Variants in VPS13B observed in about 807,000 individuals in gnomAD.
VPS13B encodes the protein intermembrane lipid transfer protein VPS13B.
In VPS13B, 285 loss-of-function variants were observed where a neutral mutation model predicts 426.4. That is an observed-to-expected ratio of 0.67 (90% CI 0.61 to 0.74). VPS13B has a LOEUF of 0.74. Among genes scored for constraint, VPS13B ranks in the 30% least tolerant of loss-of-function variants. The pLI, the probability that VPS13B is intolerant of heterozygous loss-of-function variation, is 0.00. For synonymous variants in VPS13B, 1,676 were observed against 1,676.4 expected, an observed-to-expected ratio of 1.00 and a Z score of 0.01; for missense variants, 4,537 against 4,782.6, an observed-to-expected ratio of 0.95 and a Z score of 1.51.
chr8:99,261,274 C>G (rs970969204), intron 17 of VPS13B, among the ~76,000 whole-genome samples: 1 of 152,072 alleles, frequency 6.6e-6, no homozygotes, highest in African/African-American at 2.4e-5. Flanking sequence ...TGTGTTCTAC[C>G]TATTTATCCT....
chr8:99,337,081 C>T (rs577477500), intron 19 of VPS13B, among the ~76,000 whole-genome samples: 5 of 152,156 alleles, frequency 3.3e-5, no homozygotes, highest in East Asian at 1.9e-4. Context: ...TATTGCGGCA[C>T]TATTCACAAT....
intron 3 of VPS13B, among the ~76,000 whole-genome samples, chr8:99,044,165 G>A (rs1587954993): frequency 7.6e-6 from 1 of 131,178 alleles, no homozygotes; most frequent in South Asian, 2.6e-4. Context: ...CTCACTGCAA[G>A]CTCTGCCTCC....
At chr8:99,151,972 T>C (rs923313008) in intron 14 of VPS13B, among the ~76,000 whole-genome samples, 1 of 152,242 alleles carries the variant, frequency 6.6e-6, no homozygotes, top group South Asian at 2.1e-4. Context: ...CTGATTTTTA[T>C]TGAGCTAGCT....
At chr8:99,565,831 T>A (rs1350092808) in intron 31 of VPS13B, among the ~76,000 whole-genome samples, 1 of 152,146 alleles carries the variant, frequency 6.6e-6, no homozygotes, top group Admixed American at 6.5e-5. Flanking sequence ...TAAGCAAAAT[T>A]TGGGCACAGT....
intron 44 of VPS13B, among the ~76,000 whole-genome samples, chr8:99,811,292 C>T (rs1261769247): frequency 2.0e-5 from 3 of 152,152 alleles, no homozygotes. Context: ...GAGGCATATA[C>T]AACAAGCGCA....
At chr8:99,685,509 A>G (rs1393091612) in intron 35 of VPS13B, among the ~76,000 whole-genome samples, 1 of 152,182 alleles carries the variant, frequency 6.6e-6, no homozygotes, top group East Asian at 1.9e-4. Flanking sequence ...GTTCCTTATT[A>G]GCTGTTGTCC....
At chr8:99,481,096 A>G (rs1375431354) in intron 24 of VPS13B, among the ~76,000 whole-genome samples, 1 of 152,204 alleles carries the variant, frequency 6.6e-6, no homozygotes, top group Non-Finnish European at 1.5e-5. Flanking sequence ...ATTAAAAAAA[A>G]GTCTCATATG....
intron 17 of VPS13B, among the ~76,000 whole-genome samples, chr8:99,221,523 A>G (rs1362751884): frequency 1.3e-5 from 2 of 152,256 alleles, no homozygotes; most frequent in East Asian, 1.9e-4. Context: ...CTATTTTCTT[A>G]TGAATATATC....
intron 4 of VPS13B, among the ~76,000 whole-genome samples, chr8:99,101,870 C>G (rs1846770404): frequency 6.6e-6 from 1 of 152,140 alleles, no homozygotes; most frequent in African/African-American, 2.4e-5. Context: ...TTAAAGAATA[C>G]AACCATATGG....
intron 41 of VPS13B, among the ~76,000 whole-genome samples, chr8:99,778,337 G>T (rs939154944): frequency 3.3e-5 from 5 of 151,640 alleles, no homozygotes; most frequent in Admixed American, 2.0e-4. Flanking sequence ...TTTTGTTTTG[G>T]TTTTGAGATT....
intron 23 of VPS13B, among the ~76,000 whole-genome samples, chr8:99,450,811 T>C (rs895890842): frequency 6.6e-6 from 1 of 152,202 alleles, no homozygotes; most frequent in African/African-American, 2.4e-5. Context: ...TGTTTATCAT[T>C]CTGGGATTCC....
intron 21 of VPS13B, among the ~76,000 whole-genome samples, chr8:99,409,755 G>A (rs982754925): frequency 3.9e-5 from 6 of 152,018 alleles, no homozygotes; most frequent in African/African-American, 1.2e-4. Context: ...CTACATGCTG[G>A]CGTCATAATA....
chr8:99,446,762 A>G (rs1247633282), intron 23 of VPS13B, among the ~76,000 whole-genome samples: 1 of 152,164 alleles, frequency 6.6e-6, no homozygotes, highest in African/African-American at 2.4e-5. Context: ...AACTGGATAC[A>G]TTTTTGTCAG....
chr8:99,017,538 A>C (rs996351802), intron 2 of VPS13B, among the ~76,000 whole-genome samples: 2 of 151,336 alleles, frequency 1.3e-5, no homozygotes, highest in Non-Finnish European at 2.9e-5. Context: ...TCTGTAGCCC[A>C]GGCTGGAGTG....
chr8:99,793,407 A>AC (rs1812661118), intron 43 of VPS13B, among the ~76,000 whole-genome samples: 1 of 151,920 alleles, frequency 6.6e-6, no homozygotes, highest in African/African-American at 2.4e-5. Flanking sequence ...CGCATTACCT[A>AC]CCACACATTA....
chr8:99,401,072 T>A (rs185346681), intron 21 of VPS13B, among the ~76,000 whole-genome samples: 105 of 152,338 alleles, frequency 6.9e-4, no homozygotes, highest in South Asian at 3.5e-3. Flanking sequence ...TTTTAATGGC[T>A]GACATAATTG....
chr8:99,400,327 C>T (rs1009847135), intron 21 of VPS13B, among the ~76,000 whole-genome samples: 7 of 152,188 alleles, frequency 4.6e-5, no homozygotes, highest in African/African-American at 1.7e-4. Context: ...TCTTGGTTTC[C>T]TTCAGCACAG....
chr8:99,019,348 A>G (rs1231762497), intron 2 of VPS13B, among the ~76,000 whole-genome samples: 2 of 151,844 alleles, frequency 1.3e-5, no homozygotes, highest in Non-Finnish European at 2.9e-5. Context: ...CTGGCATTAC[A>G]GGTGCCCACG....
At chr8:99,518,882 T>C (rs1588457050) in intron 29 of VPS13B, among the ~76,000 whole-genome samples, 1 of 152,210 alleles carries the variant, frequency 6.6e-6, no homozygotes, top group Non-Finnish European at 1.5e-5. Flanking sequence ...TGTAGGCAGG[T>C]TCTGTTCAGG....
Sources: allele counts gnomAD v4.1 joint callset (sites outside exome capture counted in the v4.1 genomes callset), GRCh38; gene constraint gnomAD v4.1.1; transcripts MANE v1.5; gene names NCBI Gene and HGNC (gene_info 2026-07-23, HGNC 2026-07-21).